Variants in BCAS3 observed in about 807,000 individuals in gnomAD.
BCAS3 encodes BCAS4/BCAS3 fusion.
In BCAS3, 53 loss-of-function variants were observed where a neutral mutation model predicts 116.1. The ratio of observed to expected loss-of-function variants is 0.46; its 90% confidence interval spans 0.37 to 0.57. The LOEUF is 0.57. Among genes scored for constraint, BCAS3 ranks in the 20% least tolerant of loss-of-function variants. The pLI is 0.00. For missense variants in BCAS3, 917 were observed against 1,165.4 expected, an observed-to-expected ratio of 0.79 and a Z score of 3.10; for synonymous variants, 391 against 408.2, an observed-to-expected ratio of 0.96 and a Z score of 0.51.
Position 61,180,352 on chromosome 17 carries a change from T to C in BCAS3, c.2425+95788T>C, listed in dbSNP as rs1453765432. ...ACAGGAAAATGATTATGGCCACAGA[T>C]AAGAGATTAAACTATTCAGCCAACA... On this transcript the variant is annotated intron_variant, in intron 22 of 23. Transcript: ENST00000407086. The surrounding 1 kb of genome is among the most constrained non-coding windows in gnomAD (Gnocchi z 6.0). Among the ~76,000 whole-genome samples, 2 of 152,216 alleles carry C rather than the reference T, an allele frequency of 1.3e-5. No individual in the cohort carries two copies. Among genetic ancestry groups the C allele is most frequent in the Non-Finnish European group, 2.9e-5 (2 of 68,036 alleles).
chr17:61,239,924 A>G lies in BCAS3; in HGVS notation c.2426-128403A>G, dbSNP rs1447180960. On this transcript the variant is annotated intron_variant, in intron 22 of 23. Coordinates refer to ENST00000407086, the MANE Select transcript of BCAS3 (RefSeq NM_017679.5). This position sits in a 1 kb window ranked among gnomAD's most constrained non-coding sequence, Gnocchi z 4.2. ...AAAGAACACTCAGGTATGTGAAGCC[A>G]TAATTGTTGTGTTGGAAGTTCTCAG... is the stretch of plus-strand genomic sequence containing the variant. 6.6e-6 allele frequency among the ~76,000 whole-genome samples: 1 copy of G among 152,242 alleles called. No homozygotes were observed. Among genetic ancestry groups the G allele is most frequent in the Non-Finnish European group, 1.5e-5 (1 of 68,038 alleles).
At chr17:60,886,363 T>G (rs1184024754) in intron 9 of BCAS3, 2 of 148,526 alleles carry the variant, frequency 1.3e-5, no homozygotes, top group Non-Finnish European at 3.0e-5. Context: ...TTTTTCAAAG[T>G]TTTCAACTTC....
chr17:61,351,843 G>A (rs150055260), intron 22 of BCAS3, among the ~76,000 whole-genome samples: 1 of 152,292 alleles, frequency 6.6e-6, no homozygotes, highest in Non-Finnish European at 1.5e-5. Context: ...AAGGAGATGG[G>A]CTGGTTCATC....
rs1299419641 is a variant in BCAS3, at chr17:61,007,102, T to G, written c.1487-8649T>G. ...TTAACTTACAAGTTTGGGTTGACTC[T>G]GTGATTGAAACTTAATTGCATGAAA... is the stretch of plus-strand genomic sequence containing the variant. On this transcript the variant is annotated intron_variant, in intron 15 of 23. Coordinates refer to ENST00000407086, the MANE Select transcript of BCAS3 (RefSeq NM_017679.5). This position sits in a 1 kb window ranked among gnomAD's most constrained non-coding sequence, Gnocchi z 4.3. 6.6e-6 allele frequency among the ~76,000 whole-genome samples: 1 copy of G among 152,072 alleles called. No individual in the cohort carries two copies. The highest frequency in any genetic ancestry group is 1.5e-5 in the Non-Finnish European group (1 of 67,974).
At chr17:61,210,356 A>G (rs1465043053) in intron 22 of BCAS3, among the ~76,000 whole-genome samples, 2 of 152,196 alleles carry the variant, frequency 1.3e-5, no homozygotes, top group Non-Finnish European at 2.9e-5. Context: ...TTTTTCTAAT[A>G]CAGTGGCTTG....
intron 19 of BCAS3, among the ~76,000 whole-genome samples, chr17:61,048,874 A>G (rs1357810098): frequency 1.3e-5 from 2 of 152,022 alleles, no homozygotes; most frequent in East Asian, 3.9e-4. Flanking sequence ...AGTCAGGACT[A>G]GTGACACTAA....
At chr17:60,898,798 A>G (rs972683021) in intron 10 of BCAS3, among the ~76,000 whole-genome samples, 1 of 151,992 alleles carries the variant, frequency 6.6e-6, no homozygotes, top group African/African-American at 2.4e-5. Flanking sequence ...TGGCAAGATA[A>G]TTATTTTTGT....
intron 4 of BCAS3, among the ~76,000 whole-genome samples, chr17:60,695,642 A>G (rs967829997): frequency 1.3e-5 from 2 of 152,162 alleles, no homozygotes; most frequent in African/African-American, 4.8e-5. Flanking sequence ...TGTGTCATTC[A>G]GGGTGGAATG....
intron 22 of BCAS3, among the ~76,000 whole-genome samples, chr17:61,089,096 A>G (rs2073318778): frequency 6.6e-6 from 1 of 152,212 alleles, no homozygotes; most frequent in South Asian, 2.1e-4. Flanking sequence ...TTCTTGACTC[A>G]AGAGAAATAC....
chr17:61,050,814 C>T (rs1470721205), intron 19 of BCAS3, among the ~76,000 whole-genome samples: 3 of 152,066 alleles, frequency 2.0e-5, no homozygotes, highest in Non-Finnish European at 4.4e-5. Flanking sequence ...CTTCACTCAA[C>T]AGCAGAATAC....
chr17:60,896,590 TTC>T (rs2057525997), intron 10 of BCAS3, among the ~76,000 whole-genome samples: 1 of 152,110 alleles, frequency 6.6e-6, no homozygotes. Flanking sequence ...TCTTTTTTTT[TTC>T]CAGCTGTTTT....
chr17:60,730,384 C>T (rs746953273), intron 5 of BCAS3, among the ~76,000 whole-genome samples: 52 of 152,214 alleles, frequency 3.4e-4, no homozygotes, highest in Non-Finnish European at 2.6e-4. Context: ...AAATACAGAC[C>T]GGGTTGCTGT....
intron 14 of BCAS3, among the ~76,000 whole-genome samples, chr17:60,985,009 CA>C (rs762586066): frequency 4.6e-3 from 232 of 50,390 alleles, no homozygotes; most frequent in Middle Eastern, 0.012. Flanking sequence ...GACTCCATCT[CA>C]AAAAAAAAAA....
rs567434902 is a variant in BCAS3 at position 61,104,493 on chromosome 17, T to C, written c.2425+19929T>C. 4.6e-5 allele frequency among the ~76,000 whole-genome samples: 7 copies of C among 152,344 alleles called. No individual in the cohort carries two copies. The highest frequency in any genetic ancestry group is 2.6e-4 in the Admixed American group (4 of 15,302). On this transcript the variant is annotated intron_variant, in intron 22 of 23. Coordinates refer to ENST00000407086, the MANE Select transcript of BCAS3 (RefSeq NM_017679.5). This position sits in a 1 kb window ranked among gnomAD's most constrained non-coding sequence, Gnocchi z 4.1. ...AATGCCTTGGAACATCAGTAATTACTATTTGAGGCAACCTTTGGGGATTGA... is the reference window on the plus strand; with the variant it reads ...AATGCCTTGGAACATCAGTAATTACCATTTGAGGCAACCTTTGGGGATTGA...
chr17:61,164,107 T>C (rs68147055), intron 22 of BCAS3, among the ~76,000 whole-genome samples: 6 of 105,794 alleles, frequency 5.7e-5, no homozygotes, highest in Non-Finnish European at 8.6e-5. Flanking sequence ...TTTTTTTTTT[T>C]TTTTTTTGGA....
intron 9 of BCAS3, 134 bp downstream of exon 9, chr17:60,874,872 G>T: frequency 1.9e-6 from 1 of 536,000 alleles, no homozygotes; most frequent in Non-Finnish European, 3.2e-6. Context: ...GTGATTCTGT[G>T]GCTATTCTCA....
chr17:61,335,669 G>A (rs1475371438), intron 22 of BCAS3, among the ~76,000 whole-genome samples: 1 of 152,160 alleles, frequency 6.6e-6, no homozygotes, highest in Non-Finnish European at 1.5e-5. Flanking sequence ...GATCGCTAGA[G>A]GCCAGAAGTT....
chr17:60,927,078 G>A (rs1021935254), intron 13 of BCAS3, among the ~76,000 whole-genome samples: 7 of 152,070 alleles, frequency 4.6e-5, no homozygotes, highest in Non-Finnish European at 8.8e-5. Context: ...CTAGTGCTTG[G>A]CATGGTGTCT....
rs1314229796 is a variant in BCAS3 at position 61,300,843 on chromosome 17, C to T, written c.2426-67484C>T. Among the ~76,000 whole-genome samples the T allele has an allele frequency of 1.3e-5, 2 of 152,096 alleles. No individual in the cohort carries two copies. The highest frequency in any genetic ancestry group is 6.5e-5 in the Admixed American group (1 of 15,272). On this transcript the variant is annotated intron_variant, in intron 22 of 23. Coordinates refer to ENST00000407086, the MANE Select transcript of BCAS3 (RefSeq NM_017679.5). This position sits in a 1 kb window ranked among gnomAD's most constrained non-coding sequence, Gnocchi z 5.1. ...CTCCCTCCCTCTTCTAGCCTCTGCC[C>T]AGGAATCATTTGTAGGCAAACACAT...
Sources: allele counts gnomAD v4.1 joint callset (sites outside exome capture counted in the v4.1 genomes callset), GRCh38; gene constraint gnomAD v4.1.1; non-coding constraint Gnocchi (gnomAD v3.1); transcripts MANE v1.5; gene names NCBI Gene and HGNC (gene_info 2026-07-23, HGNC 2026-07-21).